CPNE4: variants seen among roughly 807,000 people sequenced by gnomAD.
The protein encoded by CPNE4 is copine-4.
CPNE4 carries 25 observed loss-of-function variants against 67.9 expected under a neutral mutation model. The observed-to-expected ratio is 0.37, with a 90% CI of 0.27 to 0.51. CPNE4 has a LOEUF of 0.51. CPNE4 is among the 20% of genes least tolerant of loss of function. The probability of loss-of-function intolerance (pLI) is 0.93; values close to 1 mark genes in which losing one functional copy is unlikely to be tolerated. For missense variants in CPNE4, 464 were observed against 690.8 expected, an observed-to-expected ratio of 0.67 and a Z score of 3.68; for synonymous variants, 242 against 244.9, an observed-to-expected ratio of 0.99 and a Z score of 0.11.
chr3:131,717,878 C>CTTTCT (rs1296226699), intron 3 of CPNE4, among the ~76,000 whole-genome samples: 1 of 26,144 alleles, frequency 3.8e-5, no homozygotes, highest in African/African-American at 1.3e-4. Flanking sequence ...TCTTTCTTTT[C>CTTTCT]TTTCTTTCTT....
intron 7 of CPNE4, among the ~76,000 whole-genome samples, chr3:131,627,193 C>CAAAAAAAAAAAAAA (rs57977015): frequency 2.9e-5 from 2 of 68,368 alleles, no homozygotes; most frequent in African/African-American, 4.1e-5. Context: ...GACTCCATCT[C>CAAAAAAAAAAAAAA]AAAAAAAAAA....
chr3:131,906,079 G>C (rs528278478), intron 1 of CPNE4, among the ~76,000 whole-genome samples: 72 of 152,204 alleles, frequency 4.7e-4, no homozygotes, highest in African/African-American at 1.6e-3. Context: ...GAATCAAAAG[G>C]GGGAAAGTGA....
chr3:131,785,663 TTCTCTCTTTCTC>T (rs945315696), intron 2 of CPNE4, among the ~76,000 whole-genome samples: 14 of 96,546 alleles, frequency 1.5e-4, no homozygotes, highest in African/African-American at 3.5e-4. Context: ...CTCTCTCTCT[TTCTCTCTTTCTC>T]TCTCTCTCTC....
chr3:131,822,540 T>G lies in CPNE4; in HGVS notation c.180+82724A>C, dbSNP rs140076139. Among the ~76,000 whole-genome samples the G allele has an allele frequency of 2.9e-3, 443 of 152,338 alleles. 1 individual carries two copies. The highest frequency in any genetic ancestry group is 9.9e-3 in the African/African-American group (413 of 41,584). ...TCTGATCATAAGTTTGCTATTTTGCTCTCAAAGTTGATGCTCTTGTCTGCT... is the reference window on the plus strand; with the variant it reads ...TCTGATCATAAGTTTGCTATTTTGCGCTCAAAGTTGATGCTCTTGTCTGCT... On this transcript the variant is annotated intron_variant, in intron 2 of 15. Transcript: ENST00000429747.
chr3:131,943,196 A>T (rs2071451587), intron 1 of CPNE4, among the ~76,000 whole-genome samples: 2 of 152,194 alleles, frequency 1.3e-5, no homozygotes, highest in African/African-American at 4.8e-5. Context: ...AATCAAAAAC[A>T]TTTATATTCC....
chr3:131,639,467 T>C (rs1334867859), intron 7 of CPNE4, among the ~76,000 whole-genome samples: 1 of 152,076 alleles, frequency 6.6e-6, no homozygotes, highest in Non-Finnish European at 1.5e-5. Context: ...CCGGATGACA[T>C]AGAATCTCTG....
chr3:131,744,132 T>G (rs956572224), intron 2 of CPNE4, among the ~76,000 whole-genome samples: 1 of 151,882 alleles, frequency 6.6e-6, no homozygotes, highest in Non-Finnish European at 1.5e-5. Flanking sequence ...TAAAATGACT[T>G]TTATTTTTAC....
intron 1 of CPNE4, among the ~76,000 whole-genome samples, chr3:131,976,870 T>C (rs1480921565): frequency 6.6e-6 from 1 of 152,000 alleles, no homozygotes; most frequent in Non-Finnish European, 1.5e-5. Flanking sequence ...GGCACAATCT[T>C]GGCTCATTGC....
intron 5 of CPNE4, among the ~76,000 whole-genome samples, chr3:131,694,986 C>T (rs2081117281): frequency 6.6e-6 from 1 of 152,194 alleles, no homozygotes; most frequent in African/African-American, 2.4e-5. Flanking sequence ...CAATAGAAAA[C>T]CAGAGCAGTA....
chr3:132,029,186 ACAAAGGG>A (rs2074184981), intron 1 of CPNE4, among the ~76,000 whole-genome samples: 1 of 152,148 alleles, frequency 6.6e-6, no homozygotes, highest in African/African-American at 2.4e-5. Context: ...GTGTAAGGAA[ACAAAGGG>A]CGATCAGACC....
In CPNE4 at chr3:131,953,897, T is replaced by C. The variant is rs529892489; in HGVS notation, c.-1-48453A>G. Among the ~76,000 whole-genome samples the C allele has an allele frequency of 2.0e-5, 3 of 152,364 alleles. No homozygotes were observed. In the South Asian group the frequency reaches 6.2e-4, roughly 32 times the overall value. On this transcript the variant is annotated intron_variant, in intron 1 of 15. Coordinates refer to ENST00000429747, the MANE Select transcript of CPNE4 (RefSeq NM_130808.3). ...CAAAATATCTAAAAGATTTGAAATA[T>C]GTTTCCTAACACAAAGAAAGGAAAA...
At chr3:132,025,200 G>A (rs574515222) in intron 1 of CPNE4, among the ~76,000 whole-genome samples, 2 of 152,166 alleles carry the variant, frequency 1.3e-5, no homozygotes, top group Non-Finnish European at 2.9e-5. Context: ...CCAATATGTT[G>A]TCTAATGCTG....
intron 2 of CPNE4, among the ~76,000 whole-genome samples, chr3:131,751,730 G>C (rs1169184059): frequency 6.6e-6 from 1 of 151,344 alleles, no homozygotes; most frequent in Admixed American, 6.6e-5. Context: ...TGTATTTTGA[G>C]ACTCTGGATC....
chr3:131,720,802 G>A (rs1382914720), intron 3 of CPNE4, among the ~76,000 whole-genome samples: 3 of 152,036 alleles, frequency 2.0e-5, no homozygotes, highest in East Asian at 1.9e-4. Context: ...CCACTATGGC[G>A]TTTCCTTCAC....
chr3:131,581,171 C>T (rs57784736), intron 9 of CPNE4, among the ~76,000 whole-genome samples: 9,295 of 151,978 alleles, frequency 0.061, 723 homozygotes, highest in African/African-American at 0.19. Flanking sequence ...AAACTCTGTC[C>T]CAAAACAAAG....
At chr3:131,547,576 C>T (rs1487772378) in intron 14 of CPNE4, among the ~76,000 whole-genome samples, 1 of 144,194 alleles carries the variant, frequency 6.9e-6, no homozygotes, top group Admixed American at 7.1e-5. Flanking sequence ...TTAGCTTTCA[C>T]ACCTGGAAAA....
At chr3:131,971,960 T>C (rs1265154419) in intron 1 of CPNE4, among the ~76,000 whole-genome samples, 1 of 152,194 alleles carries the variant, frequency 6.6e-6, no homozygotes, top group Non-Finnish European at 1.5e-5. Flanking sequence ...TGTCTGGCAC[T>C]TGGTAGGTGT....
At chr3:131,876,430 C>T (rs1471910671) in intron 2 of CPNE4, among the ~76,000 whole-genome samples, 1 of 151,532 alleles carries the variant, frequency 6.6e-6, no homozygotes, top group Non-Finnish European at 1.5e-5. Context: ...ATCACGAGGT[C>T]AGGAGATCGA....
chr3:131,691,732 T>C (rs1436309894), intron 5 of CPNE4, among the ~76,000 whole-genome samples: 1 of 152,118 alleles, frequency 6.6e-6, no homozygotes, highest in Non-Finnish European at 1.5e-5. Flanking sequence ...TGGGCTACTA[T>C]GATGATTATC....
Sources: gnomAD v4.1 joint callset for allele counts (sites outside exome capture counted in the v4.1 genomes callset) on GRCh38, gnomAD v4.1.1 for gene constraint, MANE v1.5 for transcripts, NCBI Gene and HGNC (gene_info 2026-07-23, HGNC 2026-07-21) for gene names.